ABLIM3: variants seen among roughly 807,000 people sequenced by gnomAD.
The protein encoded by ABLIM3 is actin binding LIM protein family member 3, also known as actin-binding LIM protein 3.
A neutral mutation model predicts 109.5 loss-of-function variants in ABLIM3; 61 were observed. That is an observed-to-expected ratio of 0.56 (90% confidence interval 0.45 to 0.69). The LOEUF (loss-of-function observed/expected upper bound fraction) is 0.69, where lower values mean the gene tolerates loss of function less well. ABLIM3 is among the 30% of genes least tolerant of loss of function. ABLIM3 has a pLI of 0.00. For synonymous variants in ABLIM3, 300 were observed against 324.8 expected, an observed-to-expected ratio of 0.92 and a Z score of 0.82; for missense variants, 796 against 889.5, an observed-to-expected ratio of 0.89 and a Z score of 1.34.
intron 2 of ABLIM3, among the ~76,000 whole-genome samples, chr5:149,178,251 TC>T (rs955461056): frequency 1.3e-5 from 2 of 152,178 alleles, no homozygotes; most frequent in African/African-American, 4.8e-5. Flanking sequence ...AGTTGGGTCT[TC>T]TTTGGTATTT....
intron 21 of ABLIM3, 138 bp downstream of exon 21, chr5:149,251,557 C>A: frequency 2.1e-6 from 2 of 960,156 alleles, no homozygotes; most frequent in South Asian, 1.5e-5. Context: ...AGTTCTTACT[C>A]TCTTTCACTT....
intron 18 of ABLIM3, 78 bp from the exon 19 acceptor site, chr5:149,249,737 C>G: frequency 1.9e-6 from 3 of 1,573,460 alleles, no homozygotes; most frequent in African/African-American, 2.7e-5. Context: ...GAAGCCACAT[C>G]TCTTTGTCCC....
chr5:149,204,468 A>T (rs1758777997), intron 5 of ABLIM3, among the ~76,000 whole-genome samples: 1 of 152,198 alleles, frequency 6.6e-6, no homozygotes, highest in African/African-American at 2.4e-5. Context: ...GATATAATGG[A>T]GGAGCAGCAG....
chr5:149,232,491 G>A (rs1341097489), intron 9 of ABLIM3, among the ~76,000 whole-genome samples: 1 of 152,158 alleles, frequency 6.6e-6, no homozygotes, highest in South Asian at 2.1e-4. Flanking sequence ...CTAGTTCACA[G>A]TCCACAATTT....
chr5:149,146,334 C>T (rs1400398374), intron 2 of ABLIM3, among the ~76,000 whole-genome samples: 1 of 152,096 alleles, frequency 6.6e-6, no homozygotes, highest in South Asian at 2.1e-4. Flanking sequence ...TCCCAGTTGT[C>T]GATTTTTGTT....
chr5:149,199,097 C>G (rs753584955), intron 4 of ABLIM3: 21 of 456,714 alleles, frequency 4.6e-5, no homozygotes, highest in South Asian at 3.3e-4. Flanking sequence ...CCTTCCGCAT[C>G]ACCATCACTT....
chr5:149,251,833 G>A (rs1753957057), intron 21 of ABLIM3, among the ~76,000 whole-genome samples: 1 of 152,204 alleles, frequency 6.6e-6, no homozygotes, highest in South Asian at 2.1e-4. Flanking sequence ...CAGCTCCTAT[G>A]AGCAAGCTCA....
intron 8 of ABLIM3, among the ~76,000 whole-genome samples, chr5:149,229,178 A>G (rs1761599538): frequency 6.6e-6 from 1 of 152,238 alleles, no homozygotes; most frequent in African/African-American, 2.4e-5. Flanking sequence ...ACAGCTTGGT[A>G]GTGGACACAC....
At chr5:149,168,906 A>T (rs1755080916) in intron 2 of ABLIM3, among the ~76,000 whole-genome samples, 1 of 152,204 alleles carries the variant, frequency 6.6e-6, no homozygotes, top group South Asian at 2.1e-4. Flanking sequence ...AGCTTGTTTA[A>T]AATGTAAAGC....
intron 5 of ABLIM3, among the ~76,000 whole-genome samples, chr5:149,206,201 G>T (rs925869802): frequency 6.6e-6 from 1 of 152,214 alleles, no homozygotes; most frequent in African/African-American, 2.4e-5. Flanking sequence ...CTGATGCTAG[G>T]CTTGTCCCAC....
At chr5:149,152,218 C>T (rs181697214) in intron 2 of ABLIM3, among the ~76,000 whole-genome samples, 208 of 152,316 alleles carry the variant, frequency 1.4e-3, no homozygotes, top group Non-Finnish European at 2.3e-3. Flanking sequence ...CCACAATTAT[C>T]ACTTCCTATT....
intron 2 of ABLIM3, among the ~76,000 whole-genome samples, chr5:149,158,943 G>T (rs933109798): frequency 6.6e-6 from 1 of 152,046 alleles, no homozygotes. Flanking sequence ...ATGTAAAATG[G>T]CACAACAACT....
chr5:149,243,180 C>A (rs1024846627), intron 15 of ABLIM3, among the ~76,000 whole-genome samples: 2 of 152,168 alleles, frequency 1.3e-5, no homozygotes, highest in Non-Finnish European at 1.5e-5. Flanking sequence ...AGGCAGATTC[C>A]CTGGCCCCTT....
intron 5 of ABLIM3, among the ~76,000 whole-genome samples, chr5:149,204,896 T>C (rs1279256568): frequency 6.6e-6 from 1 of 152,222 alleles, no homozygotes; most frequent in Non-Finnish European, 1.5e-5. Flanking sequence ...AGGGGTTAAA[T>C]TTATCTCAGA....
chr5:149,160,606 G>A (rs776020814), intron 2 of ABLIM3, among the ~76,000 whole-genome samples: 2 of 152,180 alleles, frequency 1.3e-5, no homozygotes, highest in Non-Finnish European at 2.9e-5. Context: ...CTTCCCTAGG[G>A]CATGGTGGGT....
chr5:149,254,934 C>G (rs534343974), intron 23 of ABLIM3, among the ~76,000 whole-genome samples: 1 of 152,316 alleles, frequency 6.6e-6, no homozygotes, highest in South Asian at 2.1e-4. Context: ...AAAATGTAGC[C>G]TGAGCTGAGG....
chr5:149,147,692 A>G (rs757004534), intron 2 of ABLIM3, among the ~76,000 whole-genome samples: 23 of 152,194 alleles, frequency 1.5e-4, no homozygotes, highest in Non-Finnish European at 2.6e-4. Context: ...GTCTTTGAGC[A>G]GTGATAAGAG....
intron 5 of ABLIM3, among the ~76,000 whole-genome samples, chr5:149,205,843 A>G (rs201072285): frequency 2.0e-5 from 3 of 152,114 alleles, no homozygotes; most frequent in African/African-American, 4.8e-5. Flanking sequence ...CAAACACTTC[A>G]TCAAGGCCCC....
intron 2 of ABLIM3, among the ~76,000 whole-genome samples, chr5:149,170,339 C>T (rs1225304316): frequency 2.6e-5 from 4 of 151,922 alleles, no homozygotes; most frequent in East Asian, 1.9e-4. Context: ...GCAAAGGAGC[C>T]CCAGACTACC....
Sources: allele counts gnomAD v4.1 joint callset (sites outside exome capture counted in the v4.1 genomes callset), GRCh38; gene constraint gnomAD v4.1.1; transcripts MANE v1.5; gene names NCBI Gene and HGNC (gene_info 2026-07-23, HGNC 2026-07-21).